The following TSPAN16 variants were observed in gnomAD, a reference collection of about 807,000 sequenced individuals.
TSPAN16 encodes tetraspanin 16.
In TSPAN16, 23 loss-of-function variants were observed where a neutral mutation model predicts 25.2. The observed-to-expected ratio is 0.91, with a 90% CI of 0.66 to 1.29. The LOEUF is 1.29. Ranked by LOEUF, TSPAN16 falls within the 50% of genes most tolerant of loss-of-function variation. TSPAN16 has a pLI of 0.00. For missense variants in TSPAN16, 272 were observed against 299.9 expected (o/e 0.91, Z 0.69); for synonymous variants, 123 against 124.4 (o/e 0.99, Z 0.08).
At chr19:11,318,058 G>A (rs542160150), downstream of TSPAN16, among the ~76,000 whole-genome samples, 4 of 151,606 alleles carry the variant, frequency 2.6e-5, no homozygotes, top group East Asian at 2.0e-4. Context: ...ACAGAGTCTC[G>A]CTCTGTCCCC....
chr19:11,325,317 G>A, intron 6 of TSPAN16: 1 of 896,536 alleles, frequency 1.1e-6, no homozygotes, highest in Non-Finnish European at 1.7e-6. Context: ...CCTGAGCTTG[G>A]AGATAACCAC....
intron 6 of TSPAN16, 191 bp downstream of exon 6, chr19:11,312,413 T>G (rs2080703106): frequency 5.0e-6 from 2 of 400,052 alleles, no homozygotes; most frequent in Admixed American, 8.0e-5. Context: ...AGTGAAAATA[T>G]GAAAATAAAT....
intron 6 of TSPAN16, chr19:11,325,358 C>T (rs1306233071): frequency 1.1e-5 from 12 of 1,117,480 alleles, no homozygotes; most frequent in African/African-American, 7.8e-5. Context: ...CAGTCCCTGC[C>T]GAGGCAGGAG....
At chr19:11,326,050 A>G (rs1172529225) in intron 6 of TSPAN16, among the ~76,000 whole-genome samples, 1 of 151,994 alleles carries the variant, frequency 6.6e-6, no homozygotes, top group African/African-American at 2.4e-5. Flanking sequence ...GTGAAACCCC[A>G]TCTCTACTAA....
At chr19:11,308,424 G>A (rs1324999286) in intron 5 of TSPAN16, among the ~76,000 whole-genome samples, 3 of 151,462 alleles carry the variant, frequency 2.0e-5, no homozygotes, top group Admixed American at 6.6e-5. Context: ...TCAGCCTCCC[G>A]AGTAGCTGGG....
intron 4 of TSPAN16, among the ~76,000 whole-genome samples, chr19:11,301,882 G>A (rs2080554546): frequency 6.7e-6 from 1 of 150,148 alleles, no homozygotes; most frequent in Non-Finnish European, 1.5e-5. Flanking sequence ...GGAGTGCAGT[G>A]GCGCAATCTC....
At chr19:11,325,449 G>T in intron 6 of TSPAN16, 1 of 1,609,996 alleles carries the variant, frequency 6.2e-7, no homozygotes, top group East Asian at 2.2e-5. Context: ...CCACGGCCGG[G>T]CCTTTCCCGT....
At chr19:11,320,333 G>A (rs1324140044), downstream of TSPAN16, among the ~76,000 whole-genome samples, 1 of 151,738 alleles carries the variant, frequency 6.6e-6, no homozygotes, top group Admixed American at 6.6e-5. Flanking sequence ...TGTTGGCCAG[G>A]CTGATCTCAA....
chr19:11,298,972 A>G (rs777946302), intron 3 of TSPAN16, 26 bp downstream of exon 3: 6 of 1,609,040 alleles, frequency 3.7e-6, no homozygotes, highest in Non-Finnish European at 5.1e-6. Context: ...CTCCTCCCAC[A>G]TAGCATTAGA....
intron 5 of TSPAN16, among the ~76,000 whole-genome samples, chr19:11,307,585 AT>A (rs931031016): frequency 1.3e-5 from 2 of 149,856 alleles, no homozygotes; most frequent in African/African-American, 2.5e-5. Context: ...TGCCTGGCTA[AT>A]TTTTTTTTAA....
At chr19:11,302,710 CAT>C (rs1325928852) in intron 4 of TSPAN16, among the ~76,000 whole-genome samples, 1 of 139,124 alleles carries the variant, frequency 7.2e-6, no homozygotes. Context: ...CACACACATA[CAT>C]ATATATATTC....
At chr19:11,321,489 T>C (rs1020252949) in intron 6 of TSPAN16, among the ~76,000 whole-genome samples, 2 of 152,132 alleles carry the variant, frequency 1.3e-5, no homozygotes, top group Admixed American at 6.5e-5. Flanking sequence ...CAGATGAGAT[T>C]TGGGTGGGGA....
At chr19:11,308,444 G>C (rs2147948380) in intron 5 of TSPAN16, among the ~76,000 whole-genome samples, 1 of 150,694 alleles carries the variant, frequency 6.6e-6, no homozygotes, top group South Asian at 2.1e-4. Context: ...GATTACAGGC[G>C]TGTGCTACCA....
downstream of TSPAN16, among the ~76,000 whole-genome samples, chr19:11,318,469 TC>T (rs36104864): frequency 1.3e-5 from 1 of 78,984 alleles, no homozygotes; most frequent in Admixed American, 1.4e-4. Context: ...CAGATCCTGA[TC>T]TTCTAATTTA....
intron 5 of TSPAN16, among the ~76,000 whole-genome samples, chr19:11,309,964 T>G (rs2080672075): frequency 6.6e-6 from 1 of 152,104 alleles, no homozygotes; most frequent in African/African-American, 2.4e-5. Flanking sequence ...TAACTGGGTG[T>G]GGTGTTGTTG....
At chr19:11,298,970 A>C (rs1323470664) in intron 3 of TSPAN16, 24 bp downstream of exon 3, 1 of 1,609,338 alleles carries the variant, frequency 6.2e-7, no homozygotes, top group East Asian at 2.2e-5. Flanking sequence ...TGCTCCTCCC[A>C]CATAGCATTA....
At chr19:11,320,695 AAAG>A (rs1428688679), downstream of TSPAN16, among the ~76,000 whole-genome samples, 2 of 152,016 alleles carry the variant, frequency 1.3e-5, no homozygotes, top group Non-Finnish European at 2.9e-5. Context: ...AAAGAAAAGA[AAAG>A]AAAAAGAAAA....
chr19:11,325,548 G>T (rs765134148), intron 6 of TSPAN16: 5 of 1,613,392 alleles, frequency 3.1e-6, no homozygotes, highest in Non-Finnish European at 4.2e-6. Flanking sequence ...GCTTCACATT[G>T]ATGTTCTCCT....
At chr19:11,316,814 T>G (rs1004532494), downstream of TSPAN16, among the ~76,000 whole-genome samples, 1 of 148,420 alleles carries the variant, frequency 6.7e-6, no homozygotes, top group Non-Finnish European at 1.5e-5. Context: ...CCCCCGCCTT[T>G]TTTTTTTTTT....
Sources: allele counts gnomAD v4.1 joint callset (sites outside exome capture counted in the v4.1 genomes callset), GRCh38; gene constraint gnomAD v4.1.1; transcripts MANE v1.5; gene names NCBI Gene and HGNC (gene_info 2026-07-23, HGNC 2026-07-21).